NLGN1: variants seen among roughly 807,000 people sequenced by gnomAD.
NLGN1 encodes neuroligin-1.
Under a neutral mutation model 65.5 loss-of-function variants are expected in NLGN1, and 12 were observed. The ratio of observed to expected loss-of-function variants is 0.18; its 90% CI spans 0.12 to 0.30. NLGN1 has a LOEUF of 0.30. Ranked by LOEUF, NLGN1 falls within the 10% of genes least tolerant of loss-of-function variation. The pLI is 1.00. For missense variants in NLGN1, 750 were observed against 1,007.1 expected (o/e 0.74, Z 3.46); for synonymous variants, 350 against 359.5 (o/e 0.97, Z 0.30).
intron 4 of NLGN1, among the ~76,000 whole-genome samples, chr3:174,212,434 G>C (rs1441428952): frequency 1.3e-5 from 2 of 152,214 alleles, no homozygotes; most frequent in Non-Finnish European, 2.9e-5. Context: ...TGCAGTGGTG[G>C]GCTGAAGGGC....
chr3:173,622,501 A>G (rs1029434137), intron 3 of NLGN1, among the ~76,000 whole-genome samples: 3 of 152,126 alleles, frequency 2.0e-5, no homozygotes, highest in Non-Finnish European at 2.9e-5. Context: ...ATCTGGAAAG[A>G]TCAGAGCATG....
Position 173,474,718 on chromosome 3 carries a change from G to A in NLGN1, c.-321+39640G>A, listed in dbSNP as rs543552047. ...CTCACAACTGTAATCCTAGCACTTT[G>A]GGAGGCCGAGGTGGGTGGATCACGA... On this transcript the variant is annotated intron_variant, in intron 2 of 6. Transcript: ENST00000457714. Among the ~76,000 whole-genome samples the A allele has an allele frequency of 5.9e-5, 9 of 152,260 alleles. 1 individual carries two copies. The South Asian group carries it at 1.9e-3, about 32-fold the overall frequency.
chr3:173,665,339 C>T (rs79726223), intron 3 of NLGN1, among the ~76,000 whole-genome samples: 2 of 152,032 alleles, frequency 1.3e-5, no homozygotes, highest in East Asian at 3.9e-4. Context: ...TAGTTGCTTC[C>T]CCTTCCTTCA....
At chr3:173,935,060 C>CT (rs1744802616) in intron 4 of NLGN1, among the ~76,000 whole-genome samples, 3 of 151,984 alleles carry the variant, frequency 2.0e-5, no homozygotes, top group Admixed American at 2.0e-4. Context: ...AGCAAAGCTG[C>CT]TTTTTCAGAC....
At chr3:173,903,661 A>G (rs1352592436) in intron 4 of NLGN1, among the ~76,000 whole-genome samples, 1 of 152,126 alleles carries the variant, frequency 6.6e-6, no homozygotes, top group African/African-American at 2.4e-5. Context: ...TGCTCAAGGT[A>G]CAGAATATAG....
chr3:173,843,503 T>C (rs1472057543), intron 4 of NLGN1, among the ~76,000 whole-genome samples: 3 of 152,222 alleles, frequency 2.0e-5, no homozygotes, highest in African/African-American at 7.2e-5. Flanking sequence ...AAGTCACCTC[T>C]TGAATGCTTT....
chr3:174,188,753 G>T (rs1215547745), intron 4 of NLGN1, among the ~76,000 whole-genome samples: 1 of 151,822 alleles, frequency 6.6e-6, no homozygotes, highest in African/African-American at 2.4e-5. Context: ...AACACTAGAA[G>T]AATATAGGTT....
intron 4 of NLGN1, among the ~76,000 whole-genome samples, chr3:173,947,302 GT>G (rs1195100263): frequency 6.6e-6 from 1 of 151,960 alleles, no homozygotes; most frequent in Non-Finnish European, 1.5e-5. Flanking sequence ...GATTACAGGT[GT>G]TAGCCACCAC....
At chr3:173,618,928 A>G (rs9852917) in intron 3 of NLGN1, among the ~76,000 whole-genome samples, 28,983 of 152,112 alleles carry the variant, frequency 0.19, 3,135 homozygotes, top group African/African-American at 0.28. Context: ...GATTTCTGGC[A>G]GGGCTGGCTT....
intron 2 of NLGN1, among the ~76,000 whole-genome samples, chr3:173,518,724 A>C (rs1358539847): frequency 6.6e-6 from 1 of 152,102 alleles, no homozygotes; most frequent in Non-Finnish European, 1.5e-5. Context: ...ATAAAACTGG[A>C]ACTTATATTT....
intron 1 of NLGN1, among the ~76,000 whole-genome samples, chr3:173,434,845 C>A (rs1379426830): frequency 2.6e-5 from 4 of 152,176 alleles, no homozygotes; most frequent in Non-Finnish European, 1.5e-5. Context: ...TTGGAAACTC[C>A]TAAGTGTAGC....
chr3:174,003,033 T>C (rs374647316), intron 4 of NLGN1, among the ~76,000 whole-genome samples: 10 of 152,198 alleles, frequency 6.6e-5, no homozygotes, highest in Middle Eastern at 3.4e-3. Context: ...CAAAGGAAGA[T>C]AGCAGAAAGT....
intron 4 of NLGN1, among the ~76,000 whole-genome samples, chr3:174,129,257 A>G (rs1408966426): frequency 6.6e-6 from 1 of 151,950 alleles, no homozygotes; most frequent in Admixed American, 6.6e-5. Flanking sequence ...CTCATAATTT[A>G]AAGAGGTAAA....
intron 3 of NLGN1, among the ~76,000 whole-genome samples, chr3:173,803,982 T>G (rs1326515773): frequency 6.6e-6 from 1 of 152,198 alleles, no homozygotes; most frequent in African/African-American, 2.4e-5. Context: ...TCACTAATAA[T>G]TATTCACTAA....
intron 4 of NLGN1, among the ~76,000 whole-genome samples, chr3:173,857,555 TG>T (rs1056638335): frequency 2.6e-5 from 4 of 152,016 alleles, no homozygotes; most frequent in Non-Finnish European, 5.9e-5. Context: ...ATAACAATAT[TG>T]AACAAACTTT....
chr3:173,936,839 A>C (rs2152299193), intron 4 of NLGN1, among the ~76,000 whole-genome samples: 1 of 152,194 alleles, frequency 6.6e-6, no homozygotes, highest in Middle Eastern at 3.4e-3. Flanking sequence ...TATATTTAAA[A>C]ATTAGAGAAT....
intron 1 of NLGN1, among the ~76,000 whole-genome samples, chr3:173,407,565 TAAA>T (rs563765684): frequency 3.3e-4 from 51 of 152,260 alleles, no homozygotes; most frequent in African/African-American, 1.1e-3. Context: ...CCAGAACTGA[TAAA>T]AAAGGGGAGT....
chr3:174,006,158 T>C (rs995495303), intron 4 of NLGN1, among the ~76,000 whole-genome samples: 15 of 152,170 alleles, frequency 9.9e-5, no homozygotes, highest in Middle Eastern at 3.2e-3. Context: ...AAAGACCCTA[T>C]TACTGACTGT....
At chr3:173,619,038 C>T (rs951699170) in intron 3 of NLGN1, among the ~76,000 whole-genome samples, 3 of 152,112 alleles carry the variant, frequency 2.0e-5, no homozygotes, top group Non-Finnish European at 4.4e-5. Flanking sequence ...ATTCATAATA[C>T]TTTTTGAACA....
Sources: gnomAD v4.1 joint callset for allele counts (sites outside exome capture counted in the v4.1 genomes callset) on GRCh38, gnomAD v4.1.1 for gene constraint, MANE v1.5 for transcripts, NCBI Gene and HGNC (gene_info 2026-07-23, HGNC 2026-07-21) for gene names.